Variants in SNX1 observed in about 807,000 individuals in gnomAD.
The protein encoded by SNX1 is sorting nexin-1.
In SNX1, 36 loss-of-function variants were observed where a neutral mutation model predicts 71.8. That is an observed-to-expected ratio of 0.50 (90% CI 0.38 to 0.66). The LOEUF is 0.66. Ranked by LOEUF, SNX1 falls within the 30% of genes least tolerant of loss-of-function variation. SNX1 has a pLI of 0.00. For missense variants in SNX1, 612 were observed against 646.7 expected (o/e 0.95, Z 0.58); for synonymous variants, 254 against 240.7 (o/e 1.06, Z -0.51).
intron 2 of SNX1, among the ~76,000 whole-genome samples, chr15:64,116,046 TCTAATAGCCTA>T (rs976168044): frequency 6.6e-5 from 10 of 152,190 alleles, no homozygotes; most frequent in African/African-American, 2.4e-4. Context: ...CCAAAACTTT[TCTAATAGCCTA>T]CTAATAGCCT....
At chr15:64,128,419 CAT>C (rs1173402567) in intron 8 of SNX1, among the ~76,000 whole-genome samples, 4 of 152,056 alleles carry the variant, frequency 2.6e-5, no homozygotes, top group African/African-American at 9.7e-5. Context: ...GCTGTAGAAA[CAT>C]GTAAGTCATT....
At position 64,134,482 on chromosome 15, in the gene SNX1, G is replaced by T; in HGVS notation, c.1222-182G>T. ...ACTGGCCTTCTGGAAGCTTGGAGAG[G>T]AGTCTTACCCAAGCTTTGCTCCTAG... On this transcript the variant is annotated intron_variant, in intron 11 of 14. Transcript: ENST00000559844. The surrounding 1 kb of genome is among the most constrained non-coding windows in gnomAD (Gnocchi z 4.1). 1.6e-6 allele frequency: 1 copy of T among 637,220 alleles called. No homozygotes were observed. Among genetic ancestry groups the T allele is most frequent in the South Asian group, 2.1e-5 (1 of 48,414 alleles). 39.5% of individuals were successfully genotyped at this position (637,220 alleles called of 1,614,324 possible). A position where few individuals can be genotyped will look rare whatever the true frequency, so the allele number is the denominator to read the frequency against.
chr15:64,112,725 T>C (rs768467081), intron 2 of SNX1, 41 bp downstream of exon 2: 2 of 1,326,258 alleles, frequency 1.5e-6, no homozygotes, highest in South Asian at 1.3e-5. Context: ...ACCTCCTAAA[T>C]GGCTTTGTTA....
chr15:64,137,923 T>C lies in SNX1; in HGVS notation c.*305T>C, dbSNP rs970000301. The C allele has an allele frequency of 7.1e-7, 1 of 1,406,384 alleles. No homozygotes were observed. The highest frequency in any genetic ancestry group is 1.4e-5 in the African/African-American group (1 of 69,352). 87.1% of individuals were successfully genotyped at this position (1,406,384 alleles called of 1,614,324 possible). On this transcript the variant is annotated 3_prime_UTR_variant, in exon 15 of 15. Transcript: ENST00000559844. ...ATACAAATGTATATTTTTCAGGATG[T>C]GGTTTAGGAACTGGGAATAACGTTT... is the stretch of plus-strand genomic sequence containing the variant.
intron 5 of SNX1, among the ~76,000 whole-genome samples, chr15:64,125,024 GAT>G (rs1465673903): frequency 1.3e-5 from 2 of 152,154 alleles, no homozygotes; most frequent in Non-Finnish European, 2.9e-5. Context: ...GTGAGCTCTA[GAT>G]TATGATACTT....
At chr15:64,126,382 C>T (rs2081252898) in intron 6 of SNX1, among the ~76,000 whole-genome samples, 162 bp downstream of exon 6, 1 of 152,070 alleles carries the variant, frequency 6.6e-6, no homozygotes, top group African/African-American at 2.4e-5. Context: ...AGAAAAATAG[C>T]ATATTTTGGC....
At position 64,112,658 on chromosome 15, in the gene SNX1, A is replaced by C; in HGVS notation, c.245A>C (p.Asp82Ala). 1 of 1,613,208 alleles carries C rather than the reference A, an allele frequency of 6.2e-7. No homozygotes were observed. Among genetic ancestry groups the C allele is most frequent in the Non-Finnish European group, 8.5e-7 (1 of 1,179,402 alleles). The part of the protein sequence containing the change: ...SKENGIHEEQ[D>A]QEPQDLFADA... ...GAAAATGGGATCCATGAAGAACAAG[A>C]CCAAGAGCCACAGGATCTCTTTGCA... Residue 82 changes from aspartate (D) to alanine (A), a missense_variant, in exon 2 of 15, where the codon GAC (aspartate) becomes GCC (alanine). Asp to Ala is a moderately radical substitution (Grantham distance 126). Coordinates refer to ENST00000559844, the MANE Select transcript of SNX1 (RefSeq NM_003099.5).
Position 64,096,042 on chromosome 15 carries a change from C to A in SNX1, c.29C>A (p.Ala10Asp), listed in dbSNP as rs748857822. 13 of 1,594,156 alleles carry A rather than the reference C, an allele frequency of 8.2e-6. 1 individual carries two copies. The South Asian group carries it at 1.5e-4, about 18-fold the overall frequency. Residue 10 changes from alanine (A) to aspartate (D), a missense_variant, in exon 1 of 15, where the codon GCT (alanine) becomes GAT (aspartate). Around this residue, in one of 2 missense-constraint regions of SNX1, gnomAD observed 316 missense variants for 284.9 expected, o/e 1.11. Coordinates refer to ENST00000559844, the MANE Select transcript of SNX1 (RefSeq NM_003099.5). The stretch of plus-strand genomic sequence containing the variant: ...GCGTCGGGTGGTGGTGGCTGTAGCG[C>A]TTCGGAGAGACTGCCTCCGCCCTTC... Reference protein sequence around the residue: MASGGGGCSASERLPPPFPG... With the variant: MASGGGGCSDSERLPPPFPG...
At chr15:64,131,010 C>T (rs1461134700) in intron 10 of SNX1, among the ~76,000 whole-genome samples, 2 of 152,126 alleles carry the variant, frequency 1.3e-5, no homozygotes, top group Non-Finnish European at 2.9e-5. Context: ...ATTAGCCGGT[C>T]GCGGTGGCTC....
At chr15:64,127,291 A>G in intron 7 of SNX1, 39 bp downstream of exon 7, 4 of 1,501,612 alleles carry the variant, frequency 2.7e-6, no homozygotes, top group Non-Finnish European at 3.7e-6. Context: ...TAATGTGAGG[A>G]CAAATGAAAA....
Position 64,119,737 on chromosome 15 carries a change from A to AAAC in SNX1, c.466+884_466+885insACA, listed in dbSNP as rs781321747. 9.2e-4 allele frequency among the ~76,000 whole-genome samples: 130 copies of AAAC among 141,068 alleles called. 3 individuals carry two copies. The highest frequency in any genetic ancestry group is 4.1e-3 in the East Asian group (19 of 4,682). The allele number at this position is 141,068 out of a possible 152,430, so 92.5% of individuals were successfully genotyped here. A position where few individuals can be genotyped will look rare whatever the true frequency, so the allele number is the denominator to read the frequency against. ...AGACTGTGTCTTAAAAAAAAAAAAA[A>AAAC]ACACACACACACACACAAAAAACAT... is the stretch of plus-strand genomic sequence containing the variant. On this transcript the variant is annotated intron_variant, in intron 4 of 14. Coordinates refer to ENST00000559844, the MANE Select transcript of SNX1 (RefSeq NM_003099.5).
intron 11 of SNX1, 147 bp downstream of exon 11, chr15:64,132,039 C>A: frequency 1.3e-6 from 1 of 757,320 alleles, no homozygotes; most frequent in Non-Finnish European, 2.1e-6. Context: ...ATCCTGTAAA[C>A]CAAGCAATCT....
intron 10 of SNX1, among the ~76,000 whole-genome samples, chr15:64,131,067 G>C (rs920007050): frequency 6.6e-6 from 1 of 152,162 alleles, no homozygotes; most frequent in Non-Finnish European, 1.5e-5. Flanking sequence ...GGTGGGTCAC[G>C]AGGTCAGGAG....
At chr15:64,117,900 G>C (rs377510065) in intron 2 of SNX1, among the ~76,000 whole-genome samples, 1 of 152,154 alleles carries the variant, frequency 6.6e-6, no homozygotes, top group African/African-American at 2.4e-5. Flanking sequence ...GTTGTATTTG[G>C]AAAGAAGGAG....
intron 2 of SNX1, among the ~76,000 whole-genome samples, chr15:64,117,249 ACAAG>A (rs1219978765): frequency 6.6e-6 from 1 of 151,942 alleles, no homozygotes; most frequent in Non-Finnish European, 1.5e-5. Flanking sequence ...AACTTCTTTT[ACAAG>A]CAATTTTTTT....
In SNX1 at chr15:64,141,270, A is replaced by C. The variant is rs1298501365; in HGVS notation, c.*3652A>C. 6.6e-6 allele frequency: 1 copy of C among 152,022 alleles called. No homozygotes were observed. The highest frequency in any genetic ancestry group is 1.5e-5 in the Non-Finnish European group (1 of 68,004). 9.4% of individuals were successfully genotyped at this position (152,022 alleles called of 1,614,324 possible). ...ATTCTGACGTAAGTCTGTTTTTCTTATTTCCTTGGAATGATGTCTCCTCTG... is the reference window on the plus strand; with the variant it reads ...ATTCTGACGTAAGTCTGTTTTTCTTCTTTCCTTGGAATGATGTCTCCTCTG... On this transcript the variant is annotated 3_prime_UTR_variant, in exon 15 of 15. Transcript: ENST00000559844. This position sits in a 1 kb window ranked among gnomAD's most constrained non-coding sequence, Gnocchi z 5.1.
At chr15:64,115,903 A>T (rs2081124220) in intron 2 of SNX1, among the ~76,000 whole-genome samples, 1 of 152,222 alleles carries the variant, frequency 6.6e-6, no homozygotes, top group African/African-American at 2.4e-5. Context: ...TGGGACCTGC[A>T]TGATGTGAAT....
In SNX1 at chr15:64,144,152, C is replaced by G. The variant is rs1283921110; in HGVS notation, c.*6534C>G. The G allele has an allele frequency of 6.6e-6, 1 of 152,042 alleles. No homozygotes were observed. Among genetic ancestry groups the G allele is most frequent in the African/African-American group, 2.4e-5 (1 of 41,382 alleles). The allele number at this position is 152,042 out of a possible 1,614,324, so 9.4% of individuals were successfully genotyped here. A position where few individuals can be genotyped will look rare whatever the true frequency, so the allele number is the denominator to read the frequency against. ...TTGCATTACCTTTAATTTTTAATACCATTTTGTATTGCTTAAAATTTGTAT... is the reference window on the plus strand; with the variant it reads ...TTGCATTACCTTTAATTTTTAATACGATTTTGTATTGCTTAAAATTTGTAT... On this transcript the variant is annotated 3_prime_UTR_variant, in exon 15 of 15. Coordinates refer to ENST00000559844, the MANE Select transcript of SNX1 (RefSeq NM_003099.5). This position sits in a 1 kb window ranked among gnomAD's most constrained non-coding sequence, Gnocchi z 4.3.
At chr15:64,115,680 C>T in intron 2 of SNX1, 2 of 252,602 alleles carry the variant, frequency 7.9e-6, no homozygotes, top group South Asian at 6.7e-5. Context: ...CTTCCCACCT[C>T]AACCTTCTGA....
Sources: allele counts gnomAD v4.1 joint callset (sites outside exome capture counted in the v4.1 genomes callset), GRCh38; gene constraint gnomAD v4.1.1; regional missense constraint gnomAD v4.1.1; non-coding constraint Gnocchi (gnomAD v3.1); transcripts MANE v1.5; gene names NCBI Gene and HGNC (gene_info 2026-07-23, HGNC 2026-07-21).